The following ZNF516 variants were observed in gnomAD, a reference collection of about 807,000 sequenced individuals.
ZNF516 encodes the protein zinc finger protein 516.
A neutral mutation model predicts 79.7 loss-of-function variants in ZNF516; 19 were observed. The ratio of observed to expected loss-of-function variants is 0.24; its 90% CI spans 0.17 to 0.35. ZNF516 has a LOEUF of 0.35. ZNF516 is among the 10% of genes least tolerant of loss of function. The pLI is 1.00. For missense variants in ZNF516, 1,678 were observed against 1,679.5 expected (o/e 1.00, Z 0.02); for synonymous variants, 877 against 739.5 (o/e 1.19, Z -3.02).
intron 3 of ZNF516, among the ~76,000 whole-genome samples, chr18:76,405,400 G>C (rs1341599262): frequency 1.3e-5 from 2 of 152,142 alleles, no homozygotes; most frequent in Admixed American, 6.5e-5. Flanking sequence ...GCATAGGACA[G>C]GACACTCAGG....
At chr18:76,390,147 G>A (rs879759217) in intron 3 of ZNF516, among the ~76,000 whole-genome samples, 1 of 152,126 alleles carries the variant, frequency 6.6e-6, no homozygotes, top group African/African-American at 2.4e-5. Context: ...CTATGGTCAC[G>A]ACCCGGACCC....
intron 1 of ZNF516, chr18:76,488,132 C>T (rs1914939831): frequency 1.0e-6 from 1 of 985,028 alleles, no homozygotes; most frequent in Non-Finnish European, 1.2e-6. Context: ...CAACCATCAC[C>T]CACTCAGACC....
Position 76,442,848 on chromosome 18 carries a change from G to A in ZNF516, c.207C>T (p.His69=). Residue 69 remains histidine (H), a synonymous_variant, in exon 3 of 7, where the codon CAC becomes CAT. Transcript: ENST00000443185. ...TCAGGTTGCCCTTCTGGGAAGCCCG[G>A]TGGTCGCAGTAGGGACACTTGTAGG... ...EKPYKCPYCD[H]RASQKGNLKI... The A allele has an allele frequency of 6.2e-7, 1 of 1,613,468 alleles. No homozygotes were observed. Among genetic ancestry groups the A allele is most frequent in the African/African-American group, 1.3e-5 (1 of 75,066 alleles).
chr18:76,487,103 G>A (rs1158389105), intron 1 of ZNF516, among the ~76,000 whole-genome samples: 3 of 152,112 alleles, frequency 2.0e-5, no homozygotes, highest in African/African-American at 7.2e-5. Flanking sequence ...AGTACCATTT[G>A]AATTAAAGAT....
intron 1 of ZNF516, among the ~76,000 whole-genome samples, chr18:76,465,951 G>C (rs1913438226): frequency 6.6e-6 from 1 of 152,198 alleles, no homozygotes; most frequent in Non-Finnish European, 1.5e-5. Flanking sequence ...CCCAGGAACA[G>C]CTAGACTGCG....
chr18:76,461,511 A>G (rs184711220), intron 2 of ZNF516, among the ~76,000 whole-genome samples: 82 of 152,248 alleles, frequency 5.4e-4, no homozygotes, highest in Non-Finnish European at 8.5e-4. Context: ...ACCCTATTTA[A>G]TGTGGCCTTT....
chr18:76,446,127 C>T (rs1028676035), intron 2 of ZNF516, among the ~76,000 whole-genome samples: 2 of 152,002 alleles, frequency 1.3e-5, no homozygotes, highest in South Asian at 2.1e-4. Context: ...GTGTCCTTCA[C>T]GCCCTCAACT....
chr18:76,460,552 T>C (rs1366204732), intron 2 of ZNF516, among the ~76,000 whole-genome samples: 7 of 152,100 alleles, frequency 4.6e-5, no homozygotes, highest in African/African-American at 1.7e-4. Context: ...GGCCACACCA[T>C]CCTGAGCAGC....
chr18:76,459,260 C>T lies in ZNF516; in HGVS notation c.-158+3768G>A, dbSNP rs1267267974. Among the ~76,000 whole-genome samples the T allele has an allele frequency of 1.3e-5, 2 of 152,184 alleles. No homozygotes were observed. The highest frequency in any genetic ancestry group is 6.5e-5 in the Admixed American group (1 of 15,284). ...CGAGCTTCGGCTTCTCCTCCATGCA[C>T]GGTCACTGCTGGAGGCACACTGGAC... On this transcript the variant is annotated intron_variant, in intron 2 of 6. Coordinates refer to ENST00000443185, the MANE Select transcript of ZNF516 (RefSeq NM_014643.4). The surrounding 1 kb of genome is among the most constrained non-coding windows in gnomAD (Gnocchi z 5.0).
At chr18:76,401,991 G>A (rs2075235386) in intron 3 of ZNF516, among the ~76,000 whole-genome samples, 1 of 148,994 alleles carries the variant, frequency 6.7e-6, no homozygotes, top group Admixed American at 6.6e-5. Context: ...GTGCATGTGT[G>A]TACGCGCGTG....
chr18:76,453,390 C>T (rs969045388), intron 2 of ZNF516, among the ~76,000 whole-genome samples: 2 of 152,170 alleles, frequency 1.3e-5, no homozygotes, highest in Non-Finnish European at 2.9e-5. Flanking sequence ...CTCTCCTTCC[C>T]ACAAAAACAG....
At chr18:76,477,142 T>C (rs1291048993) in intron 1 of ZNF516, among the ~76,000 whole-genome samples, 1 of 152,232 alleles carries the variant, frequency 6.6e-6, no homozygotes, top group African/African-American at 2.4e-5. Flanking sequence ...CTGAGTCATA[T>C]CGTTTGGACT....
chr18:76,470,460 T>G (rs1449795090), intron 1 of ZNF516, among the ~76,000 whole-genome samples: 14 of 152,204 alleles, frequency 9.2e-5, no homozygotes, highest in African/African-American at 2.7e-4. Flanking sequence ...TAGCGGACAC[T>G]GCACTGTTCT....
At chr18:76,412,002 C>G (rs764356183) in intron 3 of ZNF516, among the ~76,000 whole-genome samples, 1 of 152,170 alleles carries the variant, frequency 6.6e-6, no homozygotes, top group Non-Finnish European at 1.5e-5. Flanking sequence ...CCGAGATGAT[C>G]CCAGATCATA....
intron 2 of ZNF516, among the ~76,000 whole-genome samples, chr18:76,448,842 T>C (rs1912223543): frequency 6.6e-6 from 1 of 152,026 alleles, no homozygotes; most frequent in Non-Finnish European, 1.5e-5. Context: ...CAGGGAAGCA[T>C]ACTATTATCA....
Position 76,442,776 on chromosome 18 carries a change from G to T in ZNF516, c.279C>A (p.His93Gln). 1 of 1,600,610 alleles carries T rather than the reference G, an allele frequency of 6.2e-7. No homozygotes were observed. The highest frequency in any genetic ancestry group is 1.1e-5 in the South Asian group (1 of 89,206). Residue 93 changes from histidine (H) to glutamine (Q), a missense_variant, in exon 3 of 7, where the codon CAC becomes CAA. By Grantham distance (24) the His-to-Gln change is conservative. This residue lies in a region of ZNF516 where 279 missense variants were observed against 254.1 expected (regional missense o/e 1.10). Coordinates refer to ENST00000443185, the MANE Select transcript of ZNF516 (RefSeq NM_014643.4). ...GCGGCGCCTCGCCCGCCTCCGGCTC[G>T]TGTCCCTGAATCAGAGTCCCCGTGC... ...SHRTGTLIQG[H>Q]EPEAGEAPLG...
chr18:76,404,034 C>T (rs973408304), intron 3 of ZNF516, among the ~76,000 whole-genome samples: 7 of 152,240 alleles, frequency 4.6e-5, no homozygotes, highest in African/African-American at 1.4e-4. Flanking sequence ...CAGCCTGGGG[C>T]TCCTGTCCAC....
At chr18:76,489,936 A>AT (rs2145829744) in intron 1 of ZNF516, among the ~76,000 whole-genome samples, 1 of 152,320 alleles carries the variant, frequency 6.6e-6, no homozygotes, top group South Asian at 2.1e-4. Flanking sequence ...AGGCATCCCC[A>AT]TTCCTCTTGG....
intron 3 of ZNF516, among the ~76,000 whole-genome samples, chr18:76,434,965 T>G (rs1012417998): frequency 1.3e-5 from 2 of 152,084 alleles, no homozygotes; most frequent in Non-Finnish European, 2.9e-5. Context: ...TCCAAGCTCA[T>G]GTGCCCTCCA....
Sources: allele counts gnomAD v4.1 joint callset (sites outside exome capture counted in the v4.1 genomes callset), GRCh38; gene constraint gnomAD v4.1.1; regional missense constraint gnomAD v4.1.1; non-coding constraint Gnocchi (gnomAD v3.1); transcripts MANE v1.5; gene names NCBI Gene and HGNC (gene_info 2026-07-23, HGNC 2026-07-21).